The following ACAN variants were observed in gnomAD, a reference collection of about 807,000 sequenced individuals.
ACAN encodes the protein aggrecan.
A neutral mutation model predicts 169.1 loss-of-function variants in ACAN; 47 were observed. The ratio of observed to expected loss-of-function variants is 0.28; its 90% CI spans 0.22 to 0.35. The LOEUF is 0.35. Among genes scored for constraint, ACAN ranks in the 10% least tolerant of loss-of-function variants. ACAN has a pLI of 1.00. For missense variants in ACAN, 2,716 were observed against 2,759.9 expected (o/e 0.98, Z 0.36); for synonymous variants, 1,115 against 1,112.2 (o/e 1.00, Z -0.05).
intron 1 of ACAN, among the ~76,000 whole-genome samples, chr15:88,829,538 A>G (rs1301556732): frequency 6.6e-6 from 1 of 152,172 alleles, no homozygotes; most frequent in African/African-American, 2.4e-5. Flanking sequence ...CCCAGCCTCG[A>G]GTGCATATGC....
At chr15:88,832,513 G>A (rs547956221) in intron 1 of ACAN, among the ~76,000 whole-genome samples, 7 of 152,224 alleles carry the variant, frequency 4.6e-5, no homozygotes, top group African/African-American at 1.7e-4. Context: ...CGATGGTTGA[G>A]GCAGGACAAT....
At chr15:88,804,016 G>A (rs144129142) in intron 1 of ACAN, among the ~76,000 whole-genome samples, 48 of 152,318 alleles carry the variant, frequency 3.2e-4, no homozygotes, top group African/African-American at 1.1e-3. Context: ...CTCAGTGAAT[G>A]GGGCAAAGGA....
rs773960271 is a variant in ACAN, at chr15:88,857,151, A to G, written c.4566A>G (p.Val1522=). The G allele has an allele frequency of 1.9e-6, 3 of 1,612,210 alleles. No homozygotes were observed. Among genetic ancestry groups the G allele is most frequent in the South Asian group, 2.2e-5 (2 of 90,906 alleles). Residue 1522 remains valine, a synonymous_variant, in exon 12 of 19, where the codon GTA becomes GTG. Coordinates refer to ENST00000560601, the MANE Select transcript of ACAN (RefSeq NM_001369268.1). ...GTCTAGAGACCTCTGCTTCTGGAGT[A>G]GAGGACCTCAGCAGGCTCCCTTCTG... ...GEGLETSASG[V]EDLSRLPSGE...
rs571708284 is a variant in ACAN, at chr15:88,872,615, G to C, written c.7303-266G>C. ...GGTGTGGAATCAGCTCATGTACAGA[G>C]CCTGTGAGTCTTGGGGGTTCTGAGC... On this transcript the variant is annotated intron_variant, in intron 16 of 18. Coordinates refer to ENST00000560601, the MANE Select transcript of ACAN (RefSeq NM_001369268.1). This position sits in a 1 kb window ranked among gnomAD's most constrained non-coding sequence, Gnocchi z 5.4. Among the ~76,000 whole-genome samples the C allele has an allele frequency of 4.6e-5, 7 of 152,282 alleles. No homozygotes were observed. The highest frequency in any genetic ancestry group is 1.7e-4 in the African/African-American group (7 of 41,566).
In ACAN at chr15:88,858,426, G is replaced by C. The variant is rs924742934; in HGVS notation, c.5841G>C (p.Gln1947His). ...VDRTLVESVT[Q>H]APTAQEAGEG... is the part of the protein sequence containing the mutation. ...GAACTTTGGTGGAATCTGTAACCCA[G>C]GCTCCAACAGCCCAAGAGGCAGGAG... The change falls in exon 12 of 19, where the codon CAG becomes CAC. Residue 1947 changes from glutamine to histidine, a missense_variant. By Grantham distance (24) the Gln-to-His change is conservative. Transcript: ENST00000560601. This position sits in a 1 kb window ranked among gnomAD's most constrained non-coding sequence, Gnocchi z 4.0. The C allele has an allele frequency of 6.2e-7, 1 of 1,613,668 alleles. No individual in the cohort carries two copies. Among genetic ancestry groups the C allele is most frequent in the African/African-American group, 1.3e-5 (1 of 75,012 alleles).
rs767595242 is a variant in ACAN at position 88,841,806 on chromosome 15, G to T, written c.696G>T (p.Thr232=). ...AGGATGAGTTTCCTGGTGTGAGGAC[G>T]TATGGCATCCGAGACACCAACGAGA... ...GDKDEFPGVR[T]YGIRDTNETY... The change falls in exon 5 of 19, where the codon ACG becomes ACT. Residue 232 remains threonine, a synonymous_variant. Transcript: ENST00000560601. 3.7e-6 allele frequency: 6 copies of T among 1,613,550 alleles called. No homozygotes were observed. The South Asian group carries it at 6.6e-5, about 18-fold the overall frequency.
At position 88,851,926 on chromosome 15, in the gene ACAN, C is replaced by T. The variant is rs769858164; in HGVS notation, c.2159C>T (p.Ala720Val). Residue 720 changes from alanine (A) to valine (V), a missense_variant, in exon 11 of 19, where the codon GCT becomes GTT. Physicochemically the swap from Ala to Val is moderately conservative, Grantham distance 64. Transcript: ENST00000560601. The surrounding 1 kb of genome is among the most constrained non-coding windows in gnomAD (Gnocchi z 4.3). ...AAVPVEEETTAVPSGETTAIL... is the reference protein window; with the variant it reads ...AAVPVEEETTVVPSGETTAIL... The stretch of plus-strand genomic sequence containing the variant: ...GTCCCCGTAGAAGAGGAGACAACTG[C>T]TGTACCCTCAGGGGAGACTACTGCC... 6 of 1,612,756 alleles carry T rather than the reference C, an allele frequency of 3.7e-6. No homozygotes were observed. The East Asian group carries it at 8.9e-5, about 24-fold the overall frequency.
At chr15:88,835,423 G>A (rs1171319805) in intron 1 of ACAN, among the ~76,000 whole-genome samples, 1 of 151,720 alleles carries the variant, frequency 6.6e-6, no homozygotes, top group Non-Finnish European at 1.5e-5. Flanking sequence ...ACACACACAC[G>A]AGAGACAGAG....
chr15:88,847,342 C>T lies in ACAN; in HGVS notation c.1529C>T (p.Pro510Leu), dbSNP rs1428109216. The change falls in exon 8 of 19, where the codon CCG (proline) becomes CTG (leucine). Residue 510 changes from proline (P) to leucine (L), a missense_variant. Pro to Leu is a moderately conservative substitution (Grantham distance 98). This residue lies in a region of ACAN where 1,283 missense variants were observed against 1,281.5 expected (regional missense o/e 1.00). Transcript: ENST00000560601. Reference protein sequence around the residue: ...CLRTGAVIASPEQLQAAYEAG... With the variant: ...CLRTGAVIASLEQLQAAYEAG... ...CGCACGGGGGCGGTCATTGCCTCGCCGGAGCAGCTCCAGGCCGCCTACGAA... is the reference window on the plus strand; with the variant it reads ...CGCACGGGGGCGGTCATTGCCTCGCTGGAGCAGCTCCAGGCCGCCTACGAA... The T allele has an allele frequency of 1.9e-6, 3 of 1,585,444 alleles. No homozygotes were observed. The highest frequency in any genetic ancestry group is 4.6e-5 in the East Asian group (2 of 43,382).
chr15:88,812,711 A>C (rs556273920), intron 1 of ACAN, among the ~76,000 whole-genome samples: 31 of 152,152 alleles, frequency 2.0e-4, no homozygotes, highest in Middle Eastern at 3.4e-3. Flanking sequence ...AAAGAAAACA[A>C]ACACCCCCAC....
Position 88,871,004 on chromosome 15 carries a change from A to C in ACAN, c.7061-378A>C, listed in dbSNP as rs1373890717. On this transcript the variant is annotated intron_variant, in intron 14 of 18. Coordinates refer to ENST00000560601, the MANE Select transcript of ACAN (RefSeq NM_001369268.1). This position sits in a 1 kb window ranked among gnomAD's most constrained non-coding sequence, Gnocchi z 7.8. Reference sequence around the variant, plus strand: ...ACTCCCTCTCTCCCTGGAGCCCCCCAGAGCCACAGAACCATGTTTTGCCTT... The same window carrying C: ...ACTCCCTCTCTCCCTGGAGCCCCCCCGAGCCACAGAACCATGTTTTGCCTT... Among the ~76,000 whole-genome samples the C allele has an allele frequency of 6.6e-6, 1 of 152,144 alleles. No homozygotes were observed. Among genetic ancestry groups the C allele is most frequent in the Non-Finnish European group, 1.5e-5 (1 of 68,024 alleles).
At chr15:88,827,352 C>T (rs1009589964) in intron 1 of ACAN, among the ~76,000 whole-genome samples, 1 of 152,212 alleles carries the variant, frequency 6.6e-6, no homozygotes, top group Non-Finnish European at 1.5e-5. Context: ...GGGTGGGGGG[C>T]CCCATTGTTT....
At chr15:88,836,154 C>A in intron 1 of ACAN, 46 bp from the exon 2 acceptor site, 1 of 1,414,966 alleles carries the variant, frequency 7.1e-7, no homozygotes, top group Non-Finnish European at 1.0e-6. Flanking sequence ...CTTGACCTCA[C>A]CATGCCTTCA....
intron 6 of ACAN, 94 bp from the exon 7 acceptor site, chr15:88,845,411 G>T: frequency 1.3e-6 from 2 of 1,494,480 alleles, no homozygotes; most frequent in Non-Finnish European, 1.8e-6. Context: ...AGCAGGGAAG[G>T]AGGGGGAGCC....
rs887656896 is a variant in ACAN at position 88,847,327 on chromosome 15, C to T, written c.1514C>T (p.Ala505Val). 5.1e-6 allele frequency: 8 copies of T among 1,580,650 alleles called. No homozygotes were observed. The highest frequency in any genetic ancestry group is 2.3e-5 in the South Asian group (2 of 85,978). ...EAQQACLRTG[A>V]VIASPEQLQA... Reference sequence around the variant, plus strand: ...CAGCAGGCCTGCCTGCGCACGGGGGCGGTCATTGCCTCGCCGGAGCAGCTC... The same window carrying T: ...CAGCAGGCCTGCCTGCGCACGGGGGTGGTCATTGCCTCGCCGGAGCAGCTC... The change falls in exon 8 of 19, where the codon GCG becomes GTG. Residue 505 changes from alanine to valine, a missense_variant. Physicochemically the swap from Ala to Val is moderately conservative, Grantham distance 64. Transcript: ENST00000560601.
chr15:88,813,981 C>A (rs905737912), intron 1 of ACAN, among the ~76,000 whole-genome samples: 1 of 152,210 alleles, frequency 6.6e-6, no homozygotes, highest in South Asian at 2.1e-4. Flanking sequence ...CACATTGGTA[C>A]CTACATATTT....
At chr15:88,847,808 G>C in intron 8 of ACAN, 103 bp from the exon 9 acceptor site, 1 of 1,401,784 alleles carries the variant, frequency 7.1e-7, no homozygotes, top group South Asian at 1.5e-5. Flanking sequence ...GACAACTGAA[G>C]ACATCTCCAA....
At chr15:88,806,806 C>T (rs74454720) in intron 1 of ACAN, among the ~76,000 whole-genome samples, 11,512 of 152,146 alleles carry the variant, frequency 0.076, 579 homozygotes, top group Middle Eastern at 0.15. Context: ...GGATGTCTAG[C>T]ACCAGATTTG....
chr15:88,845,881 G>T lies in ACAN; in HGVS notation c.1428G>T (p.Gly476=). Reference sequence around the variant, plus strand: ...TCCCTGGGCAGCCGCATTTGCCAGGGGGTAAGTAGCTGCCCGTGGGTGCAT... The same window carrying T: ...TCCCTGGGCAGCCGCATTTGCCAGGTGGTAAGTAGCTGCCCGTGGGTGCAT... The part of the protein sequence containing the change: ...TAVPGQPHLP[G]GVVFHYRPGP... The change falls in exon 7 of 19, where the codon GGG becomes GGT. Residue 476 remains glycine, a splice_region_variant and synonymous_variant. Transcript: ENST00000560601. 1 of 1,451,038 alleles carries T rather than the reference G, an allele frequency of 6.9e-7. No individual in the cohort carries two copies. Among genetic ancestry groups the T allele is most frequent in the Non-Finnish European group, 9.1e-7 (1 of 1,098,414 alleles). 89.9% of individuals were successfully genotyped at this position (1,451,038 alleles called of 1,614,324 possible).
Sources: allele counts gnomAD v4.1 joint callset (sites outside exome capture counted in the v4.1 genomes callset), GRCh38; gene constraint gnomAD v4.1.1; regional missense constraint gnomAD v4.1.1; non-coding constraint Gnocchi (gnomAD v3.1); transcripts MANE v1.5; gene names NCBI Gene and HGNC (gene_info 2026-07-23, HGNC 2026-07-21).